MAP3K20: variants seen among roughly 807,000 people sequenced by gnomAD.
MAP3K20 encodes mitogen-activated protein kinase kinase kinase 20.
MAP3K20 carries 40 observed loss-of-function variants against 85.7 expected under a neutral mutation model. The ratio of observed to expected loss-of-function variants is 0.47; its 90% CI spans 0.36 to 0.61. MAP3K20 has a LOEUF of 0.61. Ranked by LOEUF, MAP3K20 falls within the 20% of genes least tolerant of loss-of-function variation. The probability of loss-of-function intolerance (pLI) is 0.00; values close to 1 mark genes in which losing one functional copy is unlikely to be tolerated. For synonymous variants in MAP3K20, 325 were observed against 327.7 expected (o/e 0.99, Z 0.09); for missense variants, 817 against 961.7 (o/e 0.85, Z 1.99).
chr2:173,209,130 A>G (rs1683790133), intron 9 of MAP3K20, among the ~76,000 whole-genome samples: 1 of 152,200 alleles, frequency 6.6e-6, no homozygotes, highest in African/African-American at 2.4e-5. Flanking sequence ...CGTTTGTTAT[A>G]TAGGTAGATT....
At chr2:173,246,307 T>C (rs894265838) in intron 16 of MAP3K20, among the ~76,000 whole-genome samples, 9 of 152,152 alleles carry the variant, frequency 5.9e-5, no homozygotes, top group Non-Finnish European at 8.8e-5. Flanking sequence ...GAAAAGGCAT[T>C]TGGGGGTCAG....
chr2:173,144,247 A>T (rs1689060636), intron 2 of MAP3K20, among the ~76,000 whole-genome samples: 1 of 152,068 alleles, frequency 6.6e-6, no homozygotes, highest in South Asian at 2.1e-4. Context: ...GCAGATCACA[A>T]GGTCACGAGA....
intron 9 of MAP3K20, among the ~76,000 whole-genome samples, chr2:173,205,115 A>AT (rs1553581823): frequency 7.1e-6 from 1 of 140,328 alleles, no homozygotes; most frequent in Admixed American, 7.5e-5. Flanking sequence ...AAAAAAAAAA[A>AT]AAAAAAATAA....
At chr2:173,201,360 T>C (rs1444643404) in intron 8 of MAP3K20, among the ~76,000 whole-genome samples, 4 of 152,218 alleles carry the variant, frequency 2.6e-5, no homozygotes, top group Non-Finnish European at 4.4e-5. Context: ...TTTTGTCATT[T>C]CCATGGTACT....
rs1230285380 is a variant in MAP3K20, at chr2:173,256,522, T to TAGACAGAC, written c.1360-2174_1360-2173insCAGACAGA. Among the ~76,000 whole-genome samples the TAGACAGAC allele has an allele frequency of 9.8e-4, 75 of 76,352 alleles. 1 individual carries two copies. The highest frequency in any genetic ancestry group is 0.015 in the Middle Eastern group (2 of 132). The allele number at this position is 76,352 out of a possible 152,430, so 50.1% of individuals were successfully genotyped here. On this transcript the variant is annotated intron_variant, in intron 16 of 19. Transcript: ENST00000375213. ...ATAGATAGATAGATAGATAGATAGA[T>TAGACAGAC]AGATAGATAGACAGACAGACAGACA...
chr2:173,215,383 T>C (rs906565642), intron 10 of MAP3K20, among the ~76,000 whole-genome samples: 1 of 151,954 alleles, frequency 6.6e-6, no homozygotes, highest in Admixed American at 6.6e-5. Flanking sequence ...CACGTTTTTT[T>C]CCCCTCAGTC....
chr2:173,168,920 G>C (rs1689919379), intron 2 of MAP3K20, among the ~76,000 whole-genome samples: 1 of 151,916 alleles, frequency 6.6e-6, no homozygotes, highest in African/African-American at 2.4e-5. Context: ...TTTTTACCAT[G>C]TCACTCTTCA....
rs1186039027 is a variant in MAP3K20, at chr2:173,266,718, AG to A, written c.2372del (p.Arg791LysfsTer41). On this transcript the variant is annotated frameshift_variant, in exon 20 of 20. Transcript: ENST00000375213. LOFTEE classifies it high-confidence loss of function. ...SPAKTNKERA[R>X]GDHRGWRNF ...CGCCAAAACCAATAAAGAGAGAGCC[AG>A]AGGGGACCACCGTGGATGGAGAAAC... 1 of 1,571,712 alleles carries A rather than the reference AG, an allele frequency of 6.4e-7. No homozygotes were observed. The highest frequency in any genetic ancestry group is 1.4e-5 in the African/African-American group (1 of 73,096).
At chr2:173,215,625 C>G (rs150273241) in intron 10 of MAP3K20, 1 of 152,310 alleles carries the variant, frequency 6.6e-6, no homozygotes, top group Non-Finnish European at 1.5e-5. Context: ...AAGCTACTTA[C>G]ACCTGATTGC....
At chr2:173,132,353 C>A (rs1175020722) in intron 2 of MAP3K20, among the ~76,000 whole-genome samples, 2 of 152,170 alleles carry the variant, frequency 1.3e-5, no homozygotes, top group Non-Finnish European at 2.9e-5. Context: ...AAGCTTTCGT[C>A]TTCTCCTCCG....
At chr2:173,087,275 C>T (rs1687169234) in intron 1 of MAP3K20, among the ~76,000 whole-genome samples, 1 of 152,114 alleles carries the variant, frequency 6.6e-6, no homozygotes, top group Non-Finnish European at 1.5e-5. Flanking sequence ...CAGCTGTGCT[C>T]AGGAGACTCA....
At chr2:173,110,241 A>ATTTT (rs1163430418) in intron 2 of MAP3K20, among the ~76,000 whole-genome samples, 2 of 14,228 alleles carry the variant, frequency 1.4e-4, no homozygotes, top group African/African-American at 2.8e-4. Flanking sequence ...ATATATATAT[A>ATTTT]TTTTTTTTTT....
intron 10 of MAP3K20, among the ~76,000 whole-genome samples, chr2:173,213,651 T>C (rs1683980245): frequency 6.6e-6 from 1 of 152,166 alleles, no homozygotes; most frequent in Non-Finnish European, 1.5e-5. Flanking sequence ...CAGTACAGAA[T>C]ACAGTAACAG....
chr2:173,081,122 C>T (rs1687001649), intron 1 of MAP3K20, among the ~76,000 whole-genome samples: 1 of 151,858 alleles, frequency 6.6e-6, no homozygotes, highest in African/African-American at 2.4e-5. Context: ...TTTGCATTCT[C>T]TTCTGTCCTA....
At position 173,263,786 on chromosome 2, in the gene MAP3K20, G is replaced by A. The variant is rs201232328; in HGVS notation, c.1593G>A (p.Ser531=). The A allele has an allele frequency of 8.7e-6, 14 of 1,612,696 alleles. No individual in the cohort carries two copies. Among genetic ancestry groups the A allele is most frequent in the East Asian group, 2.2e-5 (1 of 44,838 alleles). ...CAAAAAGCACTAAACATGTCCATTC[G>A]ATTCAGTGGAGTAGAACAAAACCTC... The part of the protein sequence containing the change: ...RTPKSTKHVH[S]IQWSRTKPQD... The change falls in exon 19 of 20, where the codon TCG becomes TCA. Residue 531 remains serine (S), a synonymous_variant. Coordinates refer to ENST00000375213, the MANE Select transcript of MAP3K20 (RefSeq NM_016653.3).
At chr2:173,098,640 C>T (rs1687535107) in intron 2 of MAP3K20, among the ~76,000 whole-genome samples, 2 of 152,318 alleles carry the variant, frequency 1.3e-5, no homozygotes, top group South Asian at 4.1e-4. Flanking sequence ...TCAACCCGTA[C>T]TTTCAAATGT....
chr2:173,086,506 G>A (rs1436604783), intron 1 of MAP3K20, among the ~76,000 whole-genome samples: 1 of 152,150 alleles, frequency 6.6e-6, no homozygotes, highest in African/African-American at 2.4e-5. Flanking sequence ...AGTTTATTCG[G>A]TATTCAGATG....
chr2:173,138,811 TTAGCACCAAAAGGTCA>T (rs1457624837), intron 2 of MAP3K20, among the ~76,000 whole-genome samples: 2 of 152,234 alleles, frequency 1.3e-5, no homozygotes, highest in African/African-American at 4.8e-5. Context: ...CACTTTAACA[TTAGCACCAAAAGGTCA>T]TTTTGTTTTC....
At chr2:173,206,574 C>G (rs1683694052) in intron 9 of MAP3K20, among the ~76,000 whole-genome samples, 1 of 152,158 alleles carries the variant, frequency 6.6e-6, no homozygotes, top group South Asian at 2.1e-4. Flanking sequence ...ACTTTCTCCT[C>G]TGAATACTTC....
Sources: gnomAD v4.1 joint callset for allele counts (sites outside exome capture counted in the v4.1 genomes callset) on GRCh38, gnomAD v4.1.1 for gene constraint, MANE v1.5 for transcripts, NCBI Gene and HGNC (gene_info 2026-07-23, HGNC 2026-07-21) for gene names.